Variants in ADAMTS2 observed in about 807,000 individuals in gnomAD.
ADAMTS2 encodes ADAM metallopeptidase with thrombospondin type 1 motif 2.
ADAMTS2 carries 50 observed loss-of-function variants against 123.0 expected under a neutral mutation model. The observed-to-expected ratio is 0.41, with a 90% CI of 0.32 to 0.51. The LOEUF (loss-of-function observed/expected upper bound fraction) is 0.51, where lower values mean the gene tolerates loss of function less well. Among genes scored for constraint, ADAMTS2 ranks in the 20% least tolerant of loss-of-function variants. ADAMTS2 has a pLI of 0.35. For synonymous variants in ADAMTS2, 678 were observed against 695.4 expected, an observed-to-expected ratio of 0.98 and a Z score of 0.39; for missense variants, 1,494 against 1,705.2, an observed-to-expected ratio of 0.88 and a Z score of 2.18.
chr5:179,296,300 C>T (rs340116), intron 2 of ADAMTS2, among the ~76,000 whole-genome samples: 34,563 of 151,868 alleles, frequency 0.23, 4,652 homozygotes, highest in South Asian at 0.32. Flanking sequence ...GCTCAAGGGA[C>T]GGGCAGGGGC....
At chr5:179,315,677 T>C (rs1448147296) in intron 2 of ADAMTS2, among the ~76,000 whole-genome samples, 1 of 152,150 alleles carries the variant, frequency 6.6e-6, no homozygotes, top group Non-Finnish European at 1.5e-5. Flanking sequence ...ACAACGATCC[T>C]TCCAGAGACA....
chr5:179,258,497 G>T (rs559715066), intron 3 of ADAMTS2, among the ~76,000 whole-genome samples: 1 of 152,128 alleles, frequency 6.6e-6, no homozygotes, highest in African/African-American at 2.4e-5. Flanking sequence ...CTCCTGCCAC[G>T]TGAATTGTCA....
At position 179,189,276 on chromosome 5, in the gene ADAMTS2, AAG is replaced by A. The variant is rs529432219; in HGVS notation, c.892-8123_892-8122del. Among the ~76,000 whole-genome samples the A allele has an allele frequency of 1.3e-3, 201 of 152,286 alleles. No individual in the cohort carries two copies. The highest frequency in any genetic ancestry group is 4.5e-3 in the African/African-American group (189 of 41,554). Reference sequence around the variant, plus strand: ...TGGGTGCAGGTGGGCTGAGTCCAAAAAGAGAGTCAGCAAAGGGTGGTGGGACT... The same window carrying A: ...TGGGTGCAGGTGGGCTGAGTCCAAAAAGAGTCAGCAAAGGGTGGTGGGACT... On this transcript the variant is annotated intron_variant, in intron 4 of 21. Coordinates refer to ENST00000251582, the MANE Select transcript of ADAMTS2 (RefSeq NM_014244.5). This position sits in a 1 kb window ranked among gnomAD's most constrained non-coding sequence, Gnocchi z 4.2.
At position 179,138,704 on chromosome 5, in the gene ADAMTS2, G is replaced by A. The variant is rs553611989; in HGVS notation, c.1776-760C>T. Among the ~76,000 whole-genome samples, 578 of 152,340 alleles carry A rather than the reference G, an allele frequency of 3.8e-3. 20 individuals carry two copies. The highest frequency in any genetic ancestry group is 0.033 in the Admixed American group (504 of 15,306). ...GCAGGAGGACAGCAGGGGTAGGAGA[G>A]GGATCCATGCACGAGCGTGTTCACA... On this transcript the variant is annotated intron_variant, in intron 11 of 21. Transcript: ENST00000251582.
intron 2 of ADAMTS2, among the ~76,000 whole-genome samples, chr5:179,329,775 G>A: frequency 6.6e-6 from 1 of 152,122 alleles, no homozygotes; most frequent in Non-Finnish European, 1.5e-5. Flanking sequence ...TAGCCCCAGG[G>A]AGAACCAATC....
chr5:179,123,144 GCT>G (rs2113182914), intron 19 of ADAMTS2, among the ~76,000 whole-genome samples: 2 of 152,330 alleles, frequency 1.3e-5, no homozygotes, highest in African/African-American at 4.8e-5. Flanking sequence ...CACTGGGAAA[GCT>G]CTGACCCAGC....
chr5:179,271,157 G>A (rs977365272), intron 3 of ADAMTS2, among the ~76,000 whole-genome samples: 4 of 152,200 alleles, frequency 2.6e-5, no homozygotes, highest in Non-Finnish European at 5.9e-5. Flanking sequence ...TTGGGGGTGG[G>A]GGTGGAGGGA....
intron 3 of ADAMTS2, among the ~76,000 whole-genome samples, chr5:179,255,467 G>A (rs1257757751): frequency 6.6e-6 from 1 of 152,186 alleles, no homozygotes; most frequent in South Asian, 2.1e-4. Context: ...TGGGCTCAGG[G>A]CTAGGGCTGC....
chr5:179,258,645 G>T lies in ADAMTS2; in HGVS notation c.688+14266C>A, dbSNP rs533256056. Reference sequence around the variant, plus strand: ...GCAGCTGGACTCAAATATGTGTCCAGAATGATCTGGGAAAGGTCCTTGAGA... The same window carrying T: ...GCAGCTGGACTCAAATATGTGTCCATAATGATCTGGGAAAGGTCCTTGAGA... On this transcript the variant is annotated intron_variant, in intron 3 of 21. Transcript: ENST00000251582. 9.8e-5 allele frequency among the ~76,000 whole-genome samples: 15 copies of T among 152,326 alleles called. No individual in the cohort carries two copies. The South Asian group carries it at 2.9e-3, about 29-fold the overall frequency.
At chr5:179,329,396 C>T (rs1757421844) in intron 2 of ADAMTS2, among the ~76,000 whole-genome samples, 1 of 151,194 alleles carries the variant, frequency 6.6e-6, no homozygotes. Context: ...CCATGAACTT[C>T]ACAGATGATG....
Position 179,298,124 on chromosome 5 carries a change from C to T in ADAMTS2, c.535-25060G>A, listed in dbSNP as rs543955816. On this transcript the variant is annotated intron_variant, in intron 2 of 21. Transcript: ENST00000251582. ...CACAGTGACCCTGCAACGCAGATTCCGTGCTCCCTTCAGAAGCCCACCTGA... is the reference window on the plus strand; with the variant it reads ...CACAGTGACCCTGCAACGCAGATTCTGTGCTCCCTTCAGAAGCCCACCTGA... 3.9e-5 allele frequency among the ~76,000 whole-genome samples: 6 copies of T among 152,280 alleles called. No homozygotes were observed. The South Asian group carries it at 8.3e-4, about 21-fold the overall frequency.
intron 2 of ADAMTS2, among the ~76,000 whole-genome samples, chr5:179,287,841 G>A (rs1756065100): frequency 1.3e-5 from 2 of 152,206 alleles, no homozygotes; most frequent in Non-Finnish European, 2.9e-5. Context: ...CTACCCGACG[G>A]ACGTCCCCCT....
intron 5 of ADAMTS2, among the ~76,000 whole-genome samples, chr5:179,177,357 G>A (rs890778604): frequency 1.3e-5 from 2 of 152,170 alleles, no homozygotes; most frequent in Non-Finnish European, 2.9e-5. Flanking sequence ...AAGTGAGACA[G>A]GTCTGTACTT....
At position 179,130,217 on chromosome 5, in the gene ADAMTS2, C is replaced by T; in HGVS notation, c.2291-119G>A. 1 of 1,303,620 alleles carries T rather than the reference C, an allele frequency of 7.7e-7. No homozygotes were observed. Among genetic ancestry groups the T allele is most frequent in the Non-Finnish European group, 1.1e-6 (1 of 922,476 alleles). 80.8% of individuals were successfully genotyped at this position (1,303,620 alleles called of 1,614,324 possible). ...GCTGGACCCCTTGTCTCTCTGGCTG[C>T]CCCCGGCCAGTTTCCTCTGTGCCAC... On this transcript the variant is annotated intron_variant, in intron 15 of 21. Coordinates refer to ENST00000251582, the MANE Select transcript of ADAMTS2 (RefSeq NM_014244.5). This position sits in a 1 kb window ranked among gnomAD's most constrained non-coding sequence, Gnocchi z 4.3.
intron 3 of ADAMTS2, among the ~76,000 whole-genome samples, chr5:179,227,144 T>C (rs963413886): frequency 1.3e-5 from 2 of 152,212 alleles, no homozygotes; most frequent in Non-Finnish European, 2.9e-5. Context: ...TATATACTTG[T>C]GTGTGCACAG....
intron 2 of ADAMTS2, among the ~76,000 whole-genome samples, chr5:179,335,064 T>C (rs902785633): frequency 1.3e-5 from 2 of 152,180 alleles, no homozygotes; most frequent in South Asian, 4.1e-4. Context: ...AAAACAATTC[T>C]AAAATTCATT....
chr5:179,151,198 G>C (rs769771567), intron 10 of ADAMTS2: 14 of 270,982 alleles, frequency 5.2e-5, no homozygotes, highest in South Asian at 4.5e-4. Flanking sequence ...CGCCCGGCCT[G>C]AACTGTGTAA....
chr5:179,255,109 A>G (rs181626310), intron 3 of ADAMTS2, among the ~76,000 whole-genome samples: 4 of 152,152 alleles, frequency 2.6e-5, no homozygotes, highest in African/African-American at 9.7e-5. Context: ...ATGGAGATCA[A>G]TGATGGATGG....
intron 18 of ADAMTS2, 74 bp downstream of exon 18, chr5:179,125,924 A>C (rs1581139197): frequency 6.3e-7 from 1 of 1,597,118 alleles, no homozygotes. Context: ...CAGGCCCCAC[A>C]CCTCCAAGCA....
Sources: gnomAD v4.1 joint callset for allele counts (sites outside exome capture counted in the v4.1 genomes callset) on GRCh38, gnomAD v4.1.1 for gene constraint, Gnocchi (gnomAD v3.1) non-coding constraint, MANE v1.5 for transcripts, NCBI Gene and HGNC (gene_info 2026-07-23, HGNC 2026-07-21) for gene names.